MACROD2: variants seen among roughly 807,000 people sequenced by gnomAD.
The protein encoded by MACROD2 is mono-ADP ribosylhydrolase 2, also known as ADP-ribose glycohydrolase MACROD2.
MACROD2 carries 36 observed loss-of-function variants against 70.4 expected under a neutral mutation model. That is an observed-to-expected ratio of 0.51 (90% CI 0.39 to 0.68). MACROD2 has a LOEUF of 0.68. MACROD2 is among the 30% of genes least tolerant of loss of function. The pLI is 0.00. For synonymous variants in MACROD2, 172 were observed against 178.8 expected (o/e 0.96, Z 0.30); for missense variants, 496 against 538.4 (o/e 0.92, Z 0.78).
At chr20:15,657,419 A>G (rs1387069390) in intron 8 of MACROD2, among the ~76,000 whole-genome samples, 1 of 152,210 alleles carries the variant, frequency 6.6e-6, no homozygotes, top group African/African-American at 2.4e-5. Context: ...TCCAAGCTCC[A>G]GTGGCTGGTT....
rs375758487 is a variant in MACROD2 at position 15,688,405 on chromosome 20, CT to C, written c.646-174338del. 1.3e-4 allele frequency among the ~76,000 whole-genome samples: 20 copies of C among 152,268 alleles called. No individual in the cohort carries two copies. In the East Asian group the frequency reaches 2.9e-3, roughly 22 times the overall value. On this transcript the variant is annotated intron_variant, in intron 8 of 17. Coordinates refer to ENST00000684519, the MANE Select transcript of MACROD2 (RefSeq NM_001351661.2). ...AGAAGCGTCAGTATTGGAAATGGGTCTTGAAGGAGCAATCTGATATTGACAG... is the reference window on the plus strand; with the variant it reads ...AGAAGCGTCAGTATTGGAAATGGGTCTGAAGGAGCAATCTGATATTGACAG...
chr20:15,547,421 C>T (rs561542977), intron 8 of MACROD2, among the ~76,000 whole-genome samples: 3 of 152,288 alleles, frequency 2.0e-5, no homozygotes, highest in African/African-American at 7.2e-5. Context: ...CCCTAACAAT[C>T]TGTCCATGAT....
chr20:14,000,184 A>G (rs1457356381), intron 1 of MACROD2, among the ~76,000 whole-genome samples: 1 of 152,092 alleles, frequency 6.6e-6, no homozygotes, highest in Admixed American at 6.6e-5. Context: ...TAGGACTAGA[A>G]TTTTAGGTTA....
chr20:15,489,938 G>A (rs915071864), intron 7 of MACROD2, among the ~76,000 whole-genome samples: 2 of 152,094 alleles, frequency 1.3e-5, no homozygotes, highest in Admixed American at 6.6e-5. Context: ...AGTTTTCAAG[G>A]TTTGATTTAT....
chr20:14,265,577 C>A (rs927217446), intron 3 of MACROD2, among the ~76,000 whole-genome samples: 8 of 151,904 alleles, frequency 5.3e-5, no homozygotes, highest in African/African-American at 1.9e-4. Context: ...AATGACATTA[C>A]AATTAGAATT....
At chr20:14,772,435 G>A (rs574584580) in intron 5 of MACROD2, among the ~76,000 whole-genome samples, 1 of 152,172 alleles carries the variant, frequency 6.6e-6, no homozygotes, top group African/African-American at 2.4e-5. Context: ...CAATCATGGT[G>A]GAAGGCAAGA....
At chr20:15,049,714 G>A (rs1037659021) in intron 5 of MACROD2, among the ~76,000 whole-genome samples, 7 of 152,158 alleles carry the variant, frequency 4.6e-5, no homozygotes, top group Middle Eastern at 6.8e-3. Context: ...TTGGGAGGCC[G>A]AGGCAGGCAG....
intron 4 of MACROD2, among the ~76,000 whole-genome samples, chr20:14,575,811 C>T (rs1262615119): frequency 1.3e-5 from 2 of 152,138 alleles, no homozygotes; most frequent in East Asian, 1.9e-4. Flanking sequence ...ATGTTCTACA[C>T]AGGTCAATGA....
At chr20:14,772,655 G>A (rs901112766) in intron 5 of MACROD2, among the ~76,000 whole-genome samples, 1 of 152,024 alleles carries the variant, frequency 6.6e-6, no homozygotes. Context: ...TGAGATTTCG[G>A]TGGGGACACA....
chr20:15,122,038 CCATTGTTTTT>C (rs923532309), intron 5 of MACROD2, among the ~76,000 whole-genome samples: 42 of 152,056 alleles, frequency 2.8e-4, no homozygotes, highest in Admixed American at 2.5e-3. Context: ...TCTCAGTTTC[CCATTGTTTTT>C]AATGTGCTTT....
At position 15,492,735 on chromosome 20, in the gene MACROD2, G is replaced by A. The variant is rs151080071; in HGVS notation, c.572-7039G>A. On this transcript the variant is annotated intron_variant, in intron 7 of 17. Transcript: ENST00000684519. ...ACTTCATAATATTTTTATTTTGAGGGTGTGCACGTGAATAAAAATAACACG... is the reference window on the plus strand; with the variant it reads ...ACTTCATAATATTTTTATTTTGAGGATGTGCACGTGAATAAAAATAACACG... Among the ~76,000 whole-genome samples, 5 of 152,208 alleles carry A rather than the reference G, an allele frequency of 3.3e-5. No individual in the cohort carries two copies. The East Asian group carries it at 9.7e-4, about 29-fold the overall frequency.
chr20:15,750,611 A>G (rs1480050873), intron 8 of MACROD2, among the ~76,000 whole-genome samples: 4 of 151,980 alleles, frequency 2.6e-5, no homozygotes, highest in Non-Finnish European at 5.9e-5. Flanking sequence ...CATTACTTGT[A>G]TACTGTATAT....
intron 6 of MACROD2, among the ~76,000 whole-genome samples, chr20:15,376,453 G>A (rs138297366): frequency 7.0e-4 from 106 of 152,182 alleles, no homozygotes; most frequent in African/African-American, 2.3e-3. Context: ...TGTATTTACC[G>A]CTGGAAAATA....
At chr20:14,160,906 G>A (rs189452928) in intron 3 of MACROD2, among the ~76,000 whole-genome samples, 2 of 152,084 alleles carry the variant, frequency 1.3e-5, no homozygotes, top group Non-Finnish European at 1.5e-5. Flanking sequence ...ATTGCATAAC[G>A]TTTGGGTTTG....
chr20:15,824,883 A>AGGAATAT (rs141071977), intron 8 of MACROD2, among the ~76,000 whole-genome samples: 2,621 of 152,324 alleles, frequency 0.017, 101 homozygotes, highest in African/African-American at 0.06. Flanking sequence ...GATTTAGTGA[A>AGGAATAT]GGAATATGTT....
chr20:15,890,132 T>C (rs923809888), intron 10 of MACROD2, among the ~76,000 whole-genome samples: 2 of 152,212 alleles, frequency 1.3e-5, no homozygotes, highest in African/African-American at 4.8e-5. Context: ...CATGTAAGCA[T>C]GCCCACTGAC....
intron 4 of MACROD2, among the ~76,000 whole-genome samples, chr20:14,498,151 A>G (rs1185319051): frequency 6.6e-6 from 1 of 151,770 alleles, no homozygotes; most frequent in East Asian, 1.9e-4. Context: ...TGTTTGTGTG[A>G]CATACTAAAA....
rs1459390774 is a variant in MACROD2, at chr20:15,166,922, TATTAAATTTAAGTATTTA to T, written c.419-63014_419-62997del. Among the ~76,000 whole-genome samples the T allele has an allele frequency of 2.7e-5, 4 of 149,076 alleles. No homozygotes were observed. In the Admixed American group the frequency reaches 2.7e-4, roughly 10 times the overall value. On this transcript the variant is annotated intron_variant, in intron 5 of 17. Transcript: ENST00000684519. ...TATTAATTTAAGTATTTAATTTAAGTATTAAATTTAAGTATTTAATTTAAGTATTAAATTATTTAAGTA... is the reference window on the plus strand; with the variant it reads ...TATTAATTTAAGTATTTAATTTAAGTATTTAAGTATTAAATTATTTAAGTA...
At chr20:15,958,469 G>A (rs899528190) in intron 12 of MACROD2, among the ~76,000 whole-genome samples, 1 of 152,124 alleles carries the variant, frequency 6.6e-6, no homozygotes, top group African/African-American at 2.4e-5. Context: ...TGTATTTTAA[G>A]GATCAAATGA....
Sources: gnomAD v4.1 joint callset for allele counts (sites outside exome capture counted in the v4.1 genomes callset) on GRCh38, gnomAD v4.1.1 for gene constraint, MANE v1.5 for transcripts, NCBI Gene and HGNC (gene_info 2026-07-23, HGNC 2026-07-21) for gene names.